The following CACNA1E variants were observed in gnomAD, a reference collection of about 807,000 sequenced individuals.
CACNA1E encodes the protein calcium voltage-gated channel subunit alpha1 E.
A neutral mutation model predicts 259.2 loss-of-function variants in CACNA1E; 40 were observed. That is an observed-to-expected ratio of 0.15 (90% CI 0.12 to 0.20). The LOEUF is 0.20. CACNA1E is among the 10% of genes least tolerant of loss of function. CACNA1E has a pLI of 1.00. For missense variants in CACNA1E, 1,874 were observed against 3,040.1 expected (o/e 0.62, Z 9.02); for synonymous variants, 1,104 against 1,138.5 (o/e 0.97, Z 0.61).
rs1653302822 is a variant in CACNA1E at position 181,711,075 on chromosome 1, C to T, written c.1171+6C>T. ...TGCCTGGATAGACAAAGCAGGTAGG[C>T]CTGGGGGGCTGCAGGAGGCTGGTGA... On this transcript the variant is annotated splice_donor_region_variant and intron_variant, in intron 8 of 47. Transcript: ENST00000367573. 11 of 1,598,060 alleles carry T rather than the reference C, an allele frequency of 6.9e-6. No individual in the cohort carries two copies. The highest frequency in any genetic ancestry group is 9.4e-6 in the Non-Finnish European group (11 of 1,165,554).
intron 38 of CACNA1E, among the ~76,000 whole-genome samples, chr1:181,779,229 G>C (rs986849528): frequency 6.6e-6 from 1 of 152,194 alleles, no homozygotes; most frequent in Admixed American, 6.5e-5. Context: ...CATTGACCAG[G>C]CTCTGATTTC....
chr1:181,750,294 C>A (rs1657474988), intron 25 of CACNA1E, among the ~76,000 whole-genome samples, 182 bp from the exon 26 acceptor site: 1 of 152,246 alleles, frequency 6.6e-6, no homozygotes, highest in African/African-American at 2.4e-5. Context: ...GGTGTGGACA[C>A]TCTAAGTGCC....
At chr1:181,598,557 G>T (rs1465362931) in intron 6 of CACNA1E, among the ~76,000 whole-genome samples, 1 of 152,136 alleles carries the variant, frequency 6.6e-6, no homozygotes, top group Non-Finnish European at 1.5e-5. Flanking sequence ...GATGAGACTG[G>T]GGAAGAGATT....
intron 1 of CACNA1E, among the ~76,000 whole-genome samples, chr1:181,509,025 C>T (rs112087260): frequency 3.9e-4 from 59 of 152,024 alleles, no homozygotes; most frequent in African/African-American, 1.2e-3. Context: ...TGGGAAGGAA[C>T]GATGGTGGTC....
chr1:181,770,370 C>T (rs1249604036), intron 35 of CACNA1E, among the ~76,000 whole-genome samples: 1 of 152,056 alleles, frequency 6.6e-6, no homozygotes, highest in Non-Finnish European at 1.5e-5. Flanking sequence ...GACCTTGGCT[C>T]CAGGCAGTGC....
At chr1:181,606,178 C>T (rs947482130) in intron 6 of CACNA1E, among the ~76,000 whole-genome samples, 1 of 152,138 alleles carries the variant, frequency 6.6e-6, no homozygotes, top group Non-Finnish European at 1.5e-5. Context: ...CAGCCCAGAA[C>T]TCTCTTCTGA....
At chr1:181,454,359 G>A (rs1046039481) in intron 2 of CACNA1E, among the ~76,000 whole-genome samples, 8 of 152,160 alleles carry the variant, frequency 5.3e-5, no homozygotes, top group Admixed American at 1.3e-4. Flanking sequence ...CTGATAAAAT[G>A]GAAGTGAAAA....
intron 1 of CACNA1E, among the ~76,000 whole-genome samples, chr1:181,400,467 T>C (rs923855725): frequency 2.0e-5 from 3 of 152,052 alleles, no homozygotes; most frequent in African/African-American, 7.3e-5. Flanking sequence ...AGGGCCCTCC[T>C]TGTCTGTGGG....
chr1:181,392,406 C>T (rs1656365173), intron 1 of CACNA1E, among the ~76,000 whole-genome samples: 1 of 152,152 alleles, frequency 6.6e-6, no homozygotes. Flanking sequence ...TCTCAGAGCT[C>T]CTAAAAGGGT....
At position 181,511,527 on chromosome 1, in the gene CACNA1E, T is replaced by C; in HGVS notation, c.512+17T>C. ...CCTCAGTGGGTAAGTCCATTTTCTC[T>C]CTCTGTCTGTGTGTGTGTATGAAGG... On this transcript the variant is annotated intron_variant, in intron 3 of 47. Transcript: ENST00000367573. The C allele has an allele frequency of 4.3e-6, 7 of 1,613,044 alleles. No individual in the cohort carries two copies. The highest frequency in any genetic ancestry group is 2.2e-5 in the East Asian group (1 of 44,864).
At chr1:181,554,030 A>G (rs772324451) in intron 3 of CACNA1E, among the ~76,000 whole-genome samples, 3 of 152,018 alleles carry the variant, frequency 2.0e-5, no homozygotes, top group Non-Finnish European at 4.4e-5. Flanking sequence ...TTTTTTGTTG[A>G]GCTAGGGTTT....
intron 7 of CACNA1E, among the ~76,000 whole-genome samples, chr1:181,693,151 C>CAAAAAAAAAAAAAAAAAAAAAAAAAAAA (rs1283176909): frequency 1.6e-5 from 1 of 62,588 alleles, no homozygotes; most frequent in Non-Finnish European, 3.3e-5. Context: ...AAAAAAAAAA[C>CAAAAAAAAAAAAAAAAAAAAAAAAAAAA]AACAGATGCT....
In CACNA1E at chr1:181,326,447, C is replaced by G. The variant is rs570909685; in HGVS notation, c.-15+8324C>G. On this transcript the variant is annotated intron_variant, in intron 1 of 11. Transcript: ENST00000524607. ...GAGCGGAACAGCCCTGAGAAGGAGG[C>G]CTGGATACCTTATGGTGTCTCATGG... 3.3e-5 allele frequency among the ~76,000 whole-genome samples: 5 copies of G among 152,280 alleles called. No homozygotes were observed. In the East Asian group the frequency reaches 7.7e-4, roughly 23 times the overall value.
chr1:181,483,910 A>G lies in CACNA1E; in HGVS notation c.166A>G (p.Ile56Val), dbSNP rs755455773. The change falls in exon 1 of 48, where the codon ATT becomes GTT. Residue 56 changes from isoleucine (I) to valine (V), a missense_variant. Ile to Val is a conservative substitution (Grantham distance 29). Coordinates refer to ENST00000367573, the MANE Select transcript of CACNA1E (RefSeq NM_001205293.3). ...GCGGACTATGGCTTTGTACAACCCC[A>G]TTCCCGTCCGGCAGAACTGTTTCAC... Reference protein sequence around the residue: ...RARTMALYNPIPVRQNCFTVN... With the variant: ...RARTMALYNPVPVRQNCFTVN... 4.3e-6 allele frequency: 7 copies of G among 1,613,642 alleles called. No individual in the cohort carries two copies. The highest frequency in any genetic ancestry group is 5.9e-6 in the Non-Finnish European group (7 of 1,179,820).
At chr1:181,730,741 G>A (rs756126778) in intron 18 of CACNA1E, among the ~76,000 whole-genome samples, 8 of 152,228 alleles carry the variant, frequency 5.3e-5, no homozygotes, top group Non-Finnish European at 8.8e-5. Flanking sequence ...GGAGTCATGA[G>A]CTGGGGAGCC....
chr1:181,507,591 G>C (rs996595996), intron 1 of CACNA1E, among the ~76,000 whole-genome samples: 10 of 152,172 alleles, frequency 6.6e-5, no homozygotes, highest in Non-Finnish European at 2.9e-5. Context: ...TGGGTATTGT[G>C]AGTGGGGAGG....
chr1:181,348,976 C>A (rs1652824517), intron 1 of CACNA1E, among the ~76,000 whole-genome samples: 1 of 152,178 alleles, frequency 6.6e-6, no homozygotes, highest in Admixed American at 6.5e-5. Context: ...AACTCCCTAT[C>A]CAGTGCTTGT....
At chr1:181,498,920 G>A (rs1665011493) in intron 1 of CACNA1E, among the ~76,000 whole-genome samples, 1 of 152,078 alleles carries the variant, frequency 6.6e-6, no homozygotes, top group Admixed American at 6.5e-5. Context: ...CTGGATATAA[G>A]GATCATGACT....
chr1:181,444,880 A>G (rs911475285), intron 2 of CACNA1E, among the ~76,000 whole-genome samples: 2 of 151,808 alleles, frequency 1.3e-5, no homozygotes, highest in African/African-American at 4.8e-5. Flanking sequence ...GGTTGCTCCC[A>G]CCTCTGGGGT....
Sources: allele counts gnomAD v4.1 joint callset (sites outside exome capture counted in the v4.1 genomes callset), GRCh38; gene constraint gnomAD v4.1.1; transcripts MANE v1.5; gene names NCBI Gene and HGNC (gene_info 2026-07-23, HGNC 2026-07-21).